Variants in PLD5 observed in about 807,000 individuals in gnomAD.
PLD5 encodes phospholipase D family member 5.
Under a neutral mutation model 61.1 loss-of-function variants are expected in PLD5, and 36 were observed. The observed-to-expected ratio is 0.59, with a 90% CI of 0.45 to 0.78. The LOEUF is 0.78. Among genes scored for constraint, PLD5 ranks in the 30% least tolerant of loss-of-function variants. The probability of loss-of-function intolerance (pLI) is 0.00; values close to 1 mark genes in which losing one functional copy is unlikely to be tolerated. For synonymous variants in PLD5, 243 were observed against 242.8 expected, an observed-to-expected ratio of 1.00 and a Z score of -0.01; for missense variants, 515 against 644.4, an observed-to-expected ratio of 0.80 and a Z score of 2.17.
At chr1:242,367,107 C>G (rs1338762398) in intron 1 of PLD5, among the ~76,000 whole-genome samples, 3 of 152,060 alleles carry the variant, frequency 2.0e-5, no homozygotes. Flanking sequence ...CAGAGCCCTA[C>G]TCTACTCCCC....
In PLD5 at chr1:242,256,485, G is replaced by A. The variant is rs1461679152; in HGVS notation, c.607+8852C>T. 6.6e-6 allele frequency among the ~76,000 whole-genome samples: 1 copy of A among 152,166 alleles called. No homozygotes were observed. Among genetic ancestry groups the A allele is most frequent in the Non-Finnish European group, 1.5e-5 (1 of 68,028 alleles). ...GTCACGAATGTATTGGTGTCTTGTA[G>A]CGGGGGTTGAAAGGAACAAACTTAG... On this transcript the variant is annotated intron_variant, in intron 4 of 9. Transcript: ENST00000536534. The surrounding 1 kb of genome is among the most constrained non-coding windows in gnomAD (Gnocchi z 5.7).
chr1:242,086,918 G>T lies in PLD5; in HGVS notation c.*2936C>A, dbSNP rs536577735. ...TTCTGGCATGGACATCCACCAGAGG[G>T]TGTCAAATTAACCTGTTTTTGTTTT... On this transcript the variant is annotated 3_prime_UTR_variant, in exon 10 of 10. Coordinates refer to ENST00000536534, the MANE Select transcript of PLD5 (RefSeq NM_001372062.1). 3.3e-5 allele frequency: 5 copies of T among 151,854 alleles called. No homozygotes were observed. The East Asian group carries it at 9.7e-4, about 30-fold the overall frequency. 9.4% of individuals were successfully genotyped at this position (151,854 alleles called of 1,614,324 possible). A position where few individuals can be genotyped will look rare whatever the true frequency, so the allele number is the denominator to read the frequency against.
chr1:242,220,433 C>T (rs1032742432), intron 4 of PLD5, among the ~76,000 whole-genome samples: 3 of 152,176 alleles, frequency 2.0e-5, no homozygotes, highest in African/African-American at 7.2e-5. Context: ...ACTGAAATCC[C>T]GGCTGCACCA....
intron 1 of PLD5, among the ~76,000 whole-genome samples, chr1:242,474,437 C>A (rs921379283): frequency 1.5e-4 from 23 of 152,288 alleles, no homozygotes; most frequent in African/African-American, 5.5e-4. Flanking sequence ...AAATTACGTC[C>A]AAAATATTCT....
chr1:242,186,161 AAG>A lies in PLD5; in HGVS notation c.735+33825_735+33826del, dbSNP rs981532654. Reference sequence around the variant, plus strand: ...ACTATTCTGAATTCTGTAAGGAATGAAGAGAGATATATATATATATACTTTTT... The same window carrying A: ...ACTATTCTGAATTCTGTAAGGAATGAAGAGATATATATATATATACTTTTT... On this transcript the variant is annotated intron_variant, in intron 5 of 9. Transcript: ENST00000536534. 1.8e-3 allele frequency among the ~76,000 whole-genome samples: 93 copies of A among 52,740 alleles called. 1 individual carries two copies. The highest frequency in any genetic ancestry group is 1.9e-3 in the East Asian group (2 of 1,076). 34.6% of individuals were successfully genotyped at this position (52,740 alleles called of 152,430 possible).
intron 1 of PLD5, among the ~76,000 whole-genome samples, chr1:242,495,212 A>G (rs1450731635): frequency 6.6e-6 from 1 of 151,852 alleles, no homozygotes; most frequent in African/African-American, 2.4e-5. Flanking sequence ...GTCCTCTCCA[A>G]TCTCCCCCAA....
intron 1 of PLD5, among the ~76,000 whole-genome samples, chr1:242,350,638 G>C (rs6429350): frequency 0.99 from 150,291 of 152,298 alleles, 74,188 homozygotes; most frequent in Non-Finnish European, 1. Flanking sequence ...TAGTTAGAAA[G>C]AGATGTAGTC....
chr1:242,358,166 T>C (rs1660862725), intron 1 of PLD5, among the ~76,000 whole-genome samples: 1 of 152,190 alleles, frequency 6.6e-6, no homozygotes. Flanking sequence ...TTAATTTTTA[T>C]CTGTATGTTT....
At chr1:242,420,042 C>T (rs140625668) in intron 1 of PLD5, among the ~76,000 whole-genome samples, 29 of 152,220 alleles carry the variant, frequency 1.9e-4, no homozygotes, top group African/African-American at 6.7e-4. Flanking sequence ...AAACTTGTTA[C>T]CTCCAGGGCT....
intron 2 of PLD5, among the ~76,000 whole-genome samples, chr1:242,294,552 A>G (rs891515072): frequency 6.6e-6 from 1 of 152,178 alleles, no homozygotes; most frequent in Non-Finnish European, 1.5e-5. Context: ...TGATTTTGGC[A>G]TTATTGTAGA....
intron 1 of PLD5, among the ~76,000 whole-genome samples, chr1:242,402,478 A>T (rs1299770528): frequency 6.6e-6 from 1 of 152,224 alleles, no homozygotes; most frequent in Non-Finnish European, 1.5e-5. Context: ...AATTTAAAAT[A>T]AGGGTAATTA....
At chr1:242,260,060 A>T (rs1673294437) in intron 4 of PLD5, among the ~76,000 whole-genome samples, 1 of 152,062 alleles carries the variant, frequency 6.6e-6, no homozygotes, top group East Asian at 1.9e-4. Flanking sequence ...GACTTAAGAG[A>T]ATTGTTGGCC....
At chr1:242,406,267 G>A (rs945080222) in intron 1 of PLD5, among the ~76,000 whole-genome samples, 16 of 152,160 alleles carry the variant, frequency 1.1e-4, no homozygotes, top group Non-Finnish European at 2.2e-4. Context: ...GGCCGCTGGA[G>A]GCTGCTGCAT....
intron 4 of PLD5, among the ~76,000 whole-genome samples, chr1:242,241,727 T>C (rs1027468659): frequency 1.3e-5 from 2 of 151,532 alleles, no homozygotes; most frequent in Admixed American, 6.6e-5. Flanking sequence ...ATCTGCACTG[T>C]GGAGAAGCCA....
At chr1:242,307,579 C>A (rs1479453101) in intron 2 of PLD5, among the ~76,000 whole-genome samples, 1 of 152,128 alleles carries the variant, frequency 6.6e-6, no homozygotes, top group Non-Finnish European at 1.5e-5. Flanking sequence ...TCTTGTCTGT[C>A]TGCCACTAAA....
chr1:242,521,542 C>T (rs1230940275), intron 1 of PLD5, among the ~76,000 whole-genome samples: 1 of 118,148 alleles, frequency 8.5e-6, no homozygotes. Context: ...TATTTATTTC[C>T]TTAATACTTA....
upstream of PLD5, among the ~76,000 whole-genome samples, chr1:242,526,520 C>G (rs957611031): frequency 6.6e-6 from 1 of 152,192 alleles, no homozygotes; most frequent in African/African-American, 2.4e-5. Context: ...GCTGCAACCT[C>G]CGCCTCCCGG....
chr1:242,508,446 G>A (rs978741546), intron 1 of PLD5, among the ~76,000 whole-genome samples: 1 of 152,040 alleles, frequency 6.6e-6, no homozygotes, highest in South Asian at 2.1e-4. Flanking sequence ...CTAATCAGAA[G>A]CCCAAAGACT....
intron 3 of PLD5, among the ~76,000 whole-genome samples, chr1:242,281,921 T>C (rs1394862327): frequency 6.6e-6 from 1 of 152,048 alleles, no homozygotes; most frequent in East Asian, 1.9e-4. Context: ...AAGTAAGAAT[T>C]CCACATACAA....
Sources: allele counts gnomAD v4.1 joint callset (sites outside exome capture counted in the v4.1 genomes callset), GRCh38; gene constraint gnomAD v4.1.1; non-coding constraint Gnocchi (gnomAD v3.1); transcripts MANE v1.5; gene names NCBI Gene and HGNC (gene_info 2026-07-23, HGNC 2026-07-21).